The following SKAP2 variants were observed in gnomAD, a reference collection of about 807,000 sequenced individuals.
SKAP2 encodes the protein src kinase-associated phosphoprotein 2.
Under a neutral mutation model 54.9 loss-of-function variants are expected in SKAP2, and 28 were observed. The observed-to-expected ratio is 0.51, with a 90% CI of 0.38 to 0.70. The LOEUF is 0.70. Ranked by LOEUF, SKAP2 falls within the 30% of genes least tolerant of loss-of-function variation. The pLI is 0.00. For synonymous variants in SKAP2, 137 were observed against 134.3 expected (o/e 1.02, Z -0.14); for missense variants, 356 against 424.1 (o/e 0.84, Z 1.41).
chr7:26,846,716 C>T (rs56746976), intron 3 of SKAP2, among the ~76,000 whole-genome samples: 11,858 of 152,230 alleles, frequency 0.078, 705 homozygotes, highest in East Asian at 0.3. Context: ...TGCGGTGGCT[C>T]ACGCCTGTAA....
intron 1 of SKAP2, among the ~76,000 whole-genome samples, chr7:26,863,922 A>G (rs957075001): frequency 6.6e-6 from 1 of 151,724 alleles, no homozygotes; most frequent in Non-Finnish European, 1.5e-5. Flanking sequence ...GCATCTCTAC[A>G]TCCTCTACCT....
intron 4 of SKAP2, among the ~76,000 whole-genome samples, chr7:26,797,060 G>A (rs772420519): frequency 6.6e-6 from 1 of 152,230 alleles, no homozygotes; most frequent in Non-Finnish European, 1.5e-5. Context: ...CCATGAATCA[G>A]AAGTGTTGGA....
At chr7:26,697,645 A>AT (rs144117421) in intron 9 of SKAP2, among the ~76,000 whole-genome samples, 8,611 of 148,942 alleles carry the variant, frequency 0.058, 817 homozygotes, top group African/African-American at 0.2. Context: ...ATTACAGCTC[A>AT]TTTTTTTTTT....
In SKAP2 at chr7:26,775,687, C is replaced by T. The variant is rs562973595; in HGVS notation, c.308-35723G>A. 3.3e-5 allele frequency among the ~76,000 whole-genome samples: 5 copies of T among 152,158 alleles called. No individual in the cohort carries two copies. The South Asian group carries it at 1.0e-3, about 32-fold the overall frequency. ...CCCTTTTATAACTACAACCACCTCC[C>T]TCCCACGCCCCCTTCCCTAAATTCT... On this transcript the variant is annotated intron_variant, in intron 4 of 12. Transcript: ENST00000345317.
chr7:26,697,668 C>A (rs1025448463), intron 9 of SKAP2, among the ~76,000 whole-genome samples: 3 of 151,476 alleles, frequency 2.0e-5, no homozygotes, highest in Non-Finnish European at 4.4e-5. Flanking sequence ...TTTAAAGTAA[C>A]CTTTTTCTTA....
rs1786122236 is a variant in SKAP2, at chr7:26,667,344, A to T, written c.*2322T>A. 6.6e-6 allele frequency: 1 copy of T among 152,188 alleles called. No individual in the cohort carries two copies. Among genetic ancestry groups the T allele is most frequent in the Admixed American group, 6.6e-5 (1 of 15,266 alleles). 9.4% of individuals were successfully genotyped at this position (152,188 alleles called of 1,614,324 possible). A position where few individuals can be genotyped will look rare whatever the true frequency, so the allele number is the denominator to read the frequency against. ...AATTTATATTAATGATATTATTATG[A>T]TCTTGAAGAGTATGTGATATATTGT... On this transcript the variant is annotated 3_prime_UTR_variant, in exon 13 of 13. Transcript: ENST00000345317.
At chr7:26,825,706 A>T (rs1016882995) in intron 4 of SKAP2, among the ~76,000 whole-genome samples, 21 of 152,236 alleles carry the variant, frequency 1.4e-4, no homozygotes, top group Admixed American at 1.4e-3. Flanking sequence ...CAGTCTAGAC[A>T]GTTTTAACAT....
At chr7:26,716,350 T>C (rs1382359655) in intron 9 of SKAP2, among the ~76,000 whole-genome samples, 1 of 48,658 alleles carries the variant, frequency 2.1e-5, no homozygotes, top group South Asian at 5.6e-4. Context: ...ATTTTTGTTA[T>C]GTAGTGTCAT....
At chr7:26,754,308 A>G (rs9648019) in intron 4 of SKAP2, among the ~76,000 whole-genome samples, 106,226 of 150,594 alleles carry the variant, frequency 0.71, 37,758 homozygotes, top group East Asian at 0.9. Context: ...ACGTTGCAGC[A>G]AGCCAAGATC....
At chr7:26,841,769 T>C (rs1021884446) in intron 4 of SKAP2, among the ~76,000 whole-genome samples, 4 of 151,976 alleles carry the variant, frequency 2.6e-5, no homozygotes, top group Non-Finnish European at 5.9e-5. Flanking sequence ...TACATTAGCA[T>C]TATGAAAAAT....
chr7:26,804,567 T>C (rs1214388296), intron 4 of SKAP2, among the ~76,000 whole-genome samples: 1 of 151,904 alleles, frequency 6.6e-6, no homozygotes, highest in Non-Finnish European at 1.5e-5. Context: ...GGTGAAACGC[T>C]GTCTCTATTA....
chr7:26,803,624 G>A (rs7779843), intron 4 of SKAP2, among the ~76,000 whole-genome samples: 45,366 of 151,902 alleles, frequency 0.3, 7,038 homozygotes, highest in Middle Eastern at 0.37. Flanking sequence ...CTGGATATAT[G>A]CCCAAAAGAA....
chr7:26,861,615 C>CTTTTTTTT (rs34331819), intron 1 of SKAP2, among the ~76,000 whole-genome samples: 9 of 116,124 alleles, frequency 7.8e-5, no homozygotes, highest in Non-Finnish European at 8.8e-5. Flanking sequence ...ATAACAACCT[C>CTTTTTTTT]TTTTTTTTTT....
intron 4 of SKAP2, among the ~76,000 whole-genome samples, chr7:26,743,847 T>C (rs1422647756): frequency 6.6e-6 from 1 of 152,166 alleles, no homozygotes; most frequent in African/African-American, 2.4e-5. Flanking sequence ...CAAGTGCCTA[T>C]ATTCCCAGCA....
intron 4 of SKAP2, among the ~76,000 whole-genome samples, chr7:26,824,322 G>T (rs1784445158): frequency 5.9e-5 from 9 of 152,174 alleles, no homozygotes; most frequent in Admixed American, 5.9e-4. Context: ...ATAGTGTGCT[G>T]GGAGGTAATA....
chr7:26,721,256 G>C (rs1222865995), intron 9 of SKAP2, among the ~76,000 whole-genome samples: 1 of 152,012 alleles, frequency 6.6e-6, no homozygotes, highest in Non-Finnish European at 1.5e-5. Flanking sequence ...TTATTCAGGA[G>C]GAAAATAAAG....
At chr7:26,809,127 G>T (rs1784085798) in intron 4 of SKAP2, among the ~76,000 whole-genome samples, 1 of 151,998 alleles carries the variant, frequency 6.6e-6, no homozygotes, top group African/African-American at 2.4e-5. Context: ...ATAAAAAAGT[G>T]GTCTGGCCGG....
At chr7:26,811,892 T>A (rs887535643) in intron 4 of SKAP2, among the ~76,000 whole-genome samples, 3 of 152,222 alleles carry the variant, frequency 2.0e-5, no homozygotes, top group Non-Finnish European at 4.4e-5. Context: ...CCTTATTACA[T>A]CAAATTCCCA....
chr7:26,662,590 G>C (rs1310073355), downstream of SKAP2, among the ~76,000 whole-genome samples: 1 of 152,034 alleles, frequency 6.6e-6, no homozygotes, highest in Non-Finnish European at 1.5e-5. Flanking sequence ...GCACAGGATG[G>C]CACTTAAATG....
Sources: gnomAD v4.1 joint callset for allele counts (sites outside exome capture counted in the v4.1 genomes callset) on GRCh38, gnomAD v4.1.1 for gene constraint, MANE v1.5 for transcripts, NCBI Gene and HGNC (gene_info 2026-07-23, HGNC 2026-07-21) for gene names.